Variants in KDM6A observed in about 807,000 individuals in gnomAD.
KDM6A encodes lysine demethylase 6A, also known as lysine-specific demethylase 6A.
KDM6A carries 11 observed loss-of-function variants against 117.6 expected under a neutral mutation model. The observed-to-expected ratio is 0.09, with a 90% CI of 0.06 to 0.15. The LOEUF (loss-of-function observed/expected upper bound fraction) is 0.15. Ranked by LOEUF, KDM6A falls within the 10% of genes least tolerant of loss-of-function variation. The pLI is 1.00. For missense variants in KDM6A, 799 were observed against 1,077.3 expected, an observed-to-expected ratio of 0.74 and a Z score of 3.62; for synonymous variants, 384 against 396.1, an observed-to-expected ratio of 0.97 and a Z score of 0.36.
chrX:45,046,871 G>C (rs956518867), intron 8 of KDM6A, among the ~76,000 whole-genome samples: 6 of 111,095 alleles, frequency 5.4e-5, no homozygotes, highest in Admixed American at 4.8e-4. Context: ...ATATCATAAA[G>C]GTATTGTTCT....
At chrX:44,968,673 T>C (rs1306683774) in intron 3 of KDM6A, among the ~76,000 whole-genome samples, 1 of 111,927 alleles carries the variant, frequency 8.9e-6, no homozygotes, top group East Asian at 2.8e-4. Flanking sequence ...ATTAGTTGAT[T>C]AGAAAATCAG....
chrX:45,014,347 G>A (rs936002513), intron 5 of KDM6A, among the ~76,000 whole-genome samples: 1 of 111,644 alleles, frequency 9.0e-6, no homozygotes, highest in Non-Finnish European at 1.9e-5. Flanking sequence ...TCCAGTATCA[G>A]TTGCAGCCTC....
intron 8 of KDM6A, among the ~76,000 whole-genome samples, chrX:45,047,256 C>T (rs2043579124): frequency 9.3e-6 from 1 of 107,392 alleles, no homozygotes; most frequent in Admixed American, 1.0e-4. Flanking sequence ...TTGGAAAATT[C>T]TCAGCCATTG....
At chrX:45,104,260 G>A (rs2046447078) in intron 27 of KDM6A, among the ~76,000 whole-genome samples, 1 of 112,138 alleles carries the variant, frequency 8.9e-6, no homozygotes, top group Admixed American at 9.4e-5. Flanking sequence ...CCAACCTCAG[G>A]TGATCACCCG....
At chrX:44,955,880 T>A (rs1174134190) in intron 2 of KDM6A, among the ~76,000 whole-genome samples, 2 of 111,739 alleles carry the variant, frequency 1.8e-5, no homozygotes, top group African/African-American at 6.5e-5. Context: ...GATATTTTTT[T>A]AAAAATGCAA....
chrX:45,018,686 C>T (rs547917264), intron 5 of KDM6A, among the ~76,000 whole-genome samples: 2 of 111,277 alleles, frequency 1.8e-5, no homozygotes, highest in South Asian at 7.5e-4. Context: ...TTTGTTATAC[C>T]TTTTTCCTTT....
intron 8 of KDM6A, among the ~76,000 whole-genome samples, chrX:45,048,892 T>G (rs1241728531): frequency 9.1e-6 from 1 of 110,147 alleles, no homozygotes; most frequent in Non-Finnish European, 1.9e-5. Context: ...CAAGTTACTT[T>G]TTTACACATC....
chrX:45,084,421 T>C (rs989176334), intron 24 of KDM6A, among the ~76,000 whole-genome samples: 4 of 111,618 alleles, frequency 3.6e-5, no homozygotes, highest in Non-Finnish European at 5.6e-5. Flanking sequence ...ACCAATGTAC[T>C]TGGGGCTGCA....
chrX:45,011,907 T>TC (rs1040155599), intron 5 of KDM6A, among the ~76,000 whole-genome samples: 4 of 110,664 alleles, frequency 3.6e-5, no homozygotes, highest in African/African-American at 1.3e-4. Flanking sequence ...CACCTTAGCC[T>TC]CCCAAGTAGC....
intron 2 of KDM6A, among the ~76,000 whole-genome samples, chrX:44,954,116 TAAAA>T (rs903223364): frequency 1.4e-4 from 15 of 103,822 alleles, no homozygotes; most frequent in African/African-American, 4.5e-4. Context: ...CTTTCCTCAT[TAAAA>T]AAAAAAAGTA....
intron 27 of KDM6A, chrX:45,106,426 A>C (rs181475392): frequency 3.3e-5 from 8 of 241,096 alleles, no homozygotes; most frequent in Non-Finnish European, 6.4e-5. Context: ...TTAAGCTACT[A>C]TATGCTAGGC....
chrX:44,896,320 G>A (rs373172765), intron 2 of KDM6A, among the ~76,000 whole-genome samples: 1 of 110,322 alleles, frequency 9.1e-6, no homozygotes, highest in Admixed American at 9.7e-5. Flanking sequence ...CTCGTGATCC[G>A]CCCGCCTCGG....
chrX:44,907,774 T>G (rs1468336652), intron 2 of KDM6A, among the ~76,000 whole-genome samples: 1 of 69,964 alleles, frequency 1.4e-5, no homozygotes. Flanking sequence ...TTTTTTTTTT[T>G]AAATTACCTG....
chrX:45,021,641 A>C (rs1474387674), intron 6 of KDM6A, among the ~76,000 whole-genome samples: 1 of 112,106 alleles, frequency 8.9e-6, no homozygotes, highest in Non-Finnish European at 1.9e-5. Flanking sequence ...TAGATTTTTA[A>C]AGTAGAAAAC....
chrX:45,104,278 C>A (rs1208446662), intron 27 of KDM6A, among the ~76,000 whole-genome samples: 1 of 112,736 alleles, frequency 8.9e-6, no homozygotes, highest in Non-Finnish European at 1.9e-5. Context: ...CCGTCTCGGC[C>A]TGCCAAAGTG....
At chrX:45,029,946 G>A (rs1187943032) in intron 6 of KDM6A, among the ~76,000 whole-genome samples, 1 of 111,548 alleles carries the variant, frequency 9.0e-6, no homozygotes, top group Non-Finnish European at 1.9e-5. Flanking sequence ...AGCAAGAGCT[G>A]TAAGATAAAT....
chrX:44,897,585 A>C (rs2033997594), intron 2 of KDM6A, among the ~76,000 whole-genome samples: 1 of 110,328 alleles, frequency 9.1e-6, no homozygotes, highest in African/African-American at 3.3e-5. Context: ...TTTTTCTTTT[A>C]AGAGACAGGG....
At position 45,070,051 on chromosome X, in the gene KDM6A, A is replaced by G. The variant is rs767907912; in HGVS notation, c.2552A>G (p.Lys851Arg). Reference sequence around the variant, plus strand: ...AATGTGGGTACTGGAACCTGTGACAAAGTCAATAACATCCACCCAGCTGTT... The same window carrying G: ...AATGTGGGTACTGGAACCTGTGACAGAGTCAATAACATCCACCCAGCTGTT... ...NNNVGTGTCDKVNNIHPAVHT... is the reference protein window; with the variant it reads ...NNNVGTGTCDRVNNIHPAVHT... Residue 851 changes from lysine to arginine, a missense_variant, in exon 18 of 30, where the codon AAA becomes AGA. Lys to Arg is a conservative substitution (Grantham distance 26, BLOSUM62 2). Coordinates refer to ENST00000611820, the MANE Select transcript of KDM6A (RefSeq NM_001291415.2). 12 of 1,211,696 alleles carry G rather than the reference A, an allele frequency of 9.9e-6. No homozygotes were observed. Among genetic ancestry groups the G allele is most frequent in the Non-Finnish European group, 1.3e-5 (12 of 895,388 alleles).
Position 44,932,926 on chromosome X carries a change from T to G in KDM6A, c.226-28358T>G, listed in dbSNP as rs748368513. On this transcript the variant is annotated intron_variant, in intron 2 of 29. Coordinates refer to ENST00000611820, the MANE Select transcript of KDM6A (RefSeq NM_001291415.2). ...TTTTGAGATGGAGTTTCGCTCTTGT[T>G]GCCCAGGCTGGAGTGTAATGGTGTG... Among the ~76,000 whole-genome samples the G allele has an allele frequency of 3.7e-5, 4 of 108,401 alleles. No homozygotes were observed. In the South Asian group the frequency reaches 1.2e-3, roughly 33 times the overall value. 94.1% of individuals were successfully genotyped at this position (108,401 alleles called of 115,157 possible).
Sources: gnomAD v4.1 joint callset for allele counts (sites outside exome capture counted in the v4.1 genomes callset) on GRCh38, gnomAD v4.1.1 for gene constraint, MANE v1.5 for transcripts, NCBI Gene and HGNC (gene_info 2026-07-23, HGNC 2026-07-21) for gene names.